The following KYNU variants were observed in gnomAD, a reference collection of about 807,000 sequenced individuals.
KYNU encodes the protein kynureninase, also known as L-kynurenine hydrolase.
Under a neutral mutation model 59.2 loss-of-function variants are expected in KYNU, and 54 were observed. That is an observed-to-expected ratio of 0.91 (90% CI 0.73 to 1.14). The LOEUF (loss-of-function observed/expected upper bound fraction) is 1.14, where lower values mean the gene tolerates loss of function less well. KYNU is among the 50% of genes most tolerant of loss of function. KYNU has a pLI of 0.00. For synonymous variants in KYNU, 177 were observed against 192.0 expected, an observed-to-expected ratio of 0.92 and a Z score of 0.65; for missense variants, 567 against 554.4, an observed-to-expected ratio of 1.02 and a Z score of -0.23.
chr2:142,899,591 G>C (rs990057382), intron 2 of KYNU, among the ~76,000 whole-genome samples: 1 of 152,220 alleles, frequency 6.6e-6, no homozygotes, highest in African/African-American at 2.4e-5. Context: ...TAGGGGTCGT[G>C]CAATTGAGAT....
Position 143,042,393 on chromosome 2 carries a change from G to C in KYNU, c.*221G>C, listed in dbSNP as rs1687080590. ...GCTTTGTGTTTGGGGGACCAAAACT[G>C]TGTTGGTTCAAGTATTATCTATACA... On this transcript the variant is annotated 3_prime_UTR_variant, in exon 14 of 14. Transcript: ENST00000264170. 2 of 472,156 alleles carry C rather than the reference G, an allele frequency of 4.2e-6. No homozygotes were observed. Among genetic ancestry groups the C allele is most frequent in the Non-Finnish European group, 3.8e-6 (1 of 261,572 alleles). The allele number at this position is 472,156 out of a possible 1,614,324, so 29.2% of individuals were successfully genotyped here.
intron 5 of KYNU, 53 bp from the exon 6 acceptor site, chr2:142,956,150 C>A: frequency 1.0e-6 from 1 of 986,258 alleles, no homozygotes; most frequent in Non-Finnish European, 1.6e-6. Flanking sequence ...ATAAAATGAA[C>A]AAATGTATAA....
intron 6 of KYNU, 22 bp downstream of exon 6, chr2:142,956,296 AT>A: frequency 6.9e-7 from 1 of 1,459,258 alleles, no homozygotes; most frequent in Non-Finnish European, 9.6e-7. Flanking sequence ...TTCAAATTGT[AT>A]TTATGTTCTT....
At chr2:142,920,356 A>G (rs1558922028) in intron 3 of KYNU, among the ~76,000 whole-genome samples, 1 of 152,234 alleles carries the variant, frequency 6.6e-6, no homozygotes, top group Non-Finnish European at 1.5e-5. Context: ...CCTTAATGTA[A>G]GAGAGGGCAG....
chr2:143,004,190 A>T (rs759901846), intron 10 of KYNU, among the ~76,000 whole-genome samples: 3 of 152,190 alleles, frequency 2.0e-5, no homozygotes, highest in Admixed American at 6.5e-5. Context: ...GTAGGGAGGG[A>T]ATCTAACTAA....
chr2:142,925,562 T>C (rs1683021758), intron 3 of KYNU, among the ~76,000 whole-genome samples: 1 of 152,238 alleles, frequency 6.6e-6, no homozygotes, highest in Non-Finnish European at 1.5e-5. Flanking sequence ...GTCCATATTG[T>C]TACCCATTTA....
At chr2:142,899,421 G>A (rs1402576565) in intron 2 of KYNU, among the ~76,000 whole-genome samples, 1 of 152,146 alleles carries the variant, frequency 6.6e-6, no homozygotes, top group Non-Finnish European at 1.5e-5. Context: ...AAAGGTGGGT[G>A]CAGTCACCTT....
intron 6 of KYNU, among the ~76,000 whole-genome samples, chr2:142,957,168 A>G (rs1022728887): frequency 6.6e-6 from 1 of 152,128 alleles, no homozygotes; most frequent in Non-Finnish European, 1.5e-5. Flanking sequence ...TCAAAATCCT[A>G]ATATCTACAA....
intron 8 of KYNU, among the ~76,000 whole-genome samples, chr2:142,973,645 G>A (rs1235362726): frequency 2.0e-5 from 3 of 152,236 alleles, no homozygotes; most frequent in Non-Finnish European, 2.9e-5. Flanking sequence ...CAAACCACTG[G>A]AGAGAATTCC....
chr2:142,884,851 C>T lies in KYNU; in HGVS notation c.-19-498C>T, dbSNP rs111530905. 5.3e-5 allele frequency among the ~76,000 whole-genome samples: 8 copies of T among 149,960 alleles called. No homozygotes were observed. In the South Asian group the frequency reaches 6.3e-4, roughly 12 times the overall value. ...CCTCCCTAGTAGCTGGGATTACAGGCGCCTGCCACCATGCCACCTTTTCCC... is the reference window on the plus strand; with the variant it reads ...CCTCCCTAGTAGCTGGGATTACAGGTGCCTGCCACCATGCCACCTTTTCCC... On this transcript the variant is annotated intron_variant, in intron 1 of 13. Transcript: ENST00000264170.
intron 2 of KYNU, among the ~76,000 whole-genome samples, chr2:142,915,465 G>A (rs923940108): frequency 6.6e-6 from 1 of 152,214 alleles, no homozygotes. Context: ...TCAAGCATGA[G>A]CTAGGGCTGG....
chr2:142,970,277 T>A (rs954231832), intron 8 of KYNU, among the ~76,000 whole-genome samples: 5 of 152,202 alleles, frequency 3.3e-5, no homozygotes, highest in Admixed American at 2.6e-4. Flanking sequence ...GCAAAGAAGA[T>A]AATCATCATA....
At chr2:142,996,687 CAG>C (rs1265419082) in intron 10 of KYNU, among the ~76,000 whole-genome samples, 1 of 152,146 alleles carries the variant, frequency 6.6e-6, no homozygotes, top group African/African-American at 2.4e-5. Flanking sequence ...ATGTGCCAGT[CAG>C]GGGCCAGAAC....
At chr2:142,962,553 T>C (rs982611637) in intron 8 of KYNU, among the ~76,000 whole-genome samples, 10 of 152,248 alleles carry the variant, frequency 6.6e-5, no homozygotes, top group Non-Finnish European at 1.3e-4. Context: ...TAAGTAAATC[T>C]CATACTTAAG....
chr2:142,967,698 A>G (rs531131787), intron 8 of KYNU, among the ~76,000 whole-genome samples: 40 of 152,258 alleles, frequency 2.6e-4, no homozygotes, highest in Middle Eastern at 3.4e-3. Context: ...TTTAAAAACA[A>G]TTTTGAGTTT....
chr2:143,030,092 T>C (rs1310629191), intron 11 of KYNU, among the ~76,000 whole-genome samples: 1 of 152,222 alleles, frequency 6.6e-6, no homozygotes, highest in Non-Finnish European at 1.5e-5. Flanking sequence ...TGTGTCATTG[T>C]TTTTTCTTTC....
At chr2:143,017,843 TTTG>T (rs1471284880) in intron 10 of KYNU, among the ~76,000 whole-genome samples, 1 of 152,202 alleles carries the variant, frequency 6.6e-6, no homozygotes, top group Non-Finnish European at 1.5e-5. Context: ...TTTTCATATG[TTTG>T]TTGACCAATT....
At chr2:142,934,119 A>G (rs990906524) in intron 4 of KYNU, among the ~76,000 whole-genome samples, 2 of 152,154 alleles carry the variant, frequency 1.3e-5, no homozygotes, top group African/African-American at 4.8e-5. Context: ...CTGGTTTGTT[A>G]AAAGGGGAGT....
intron 10 of KYNU, among the ~76,000 whole-genome samples, chr2:143,017,408 G>GT (rs1297338602): frequency 3.3e-5 from 3 of 90,840 alleles, no homozygotes; most frequent in Non-Finnish European, 7.4e-5. Flanking sequence ...GACATTGGTT[G>GT]TTTTTTGACC....
Sources: gnomAD v4.1 joint callset for allele counts (sites outside exome capture counted in the v4.1 genomes callset) on GRCh38, gnomAD v4.1.1 for gene constraint, MANE v1.5 for transcripts, NCBI Gene and HGNC (gene_info 2026-07-23, HGNC 2026-07-21) for gene names.